Variants in SEMA6D observed in about 807,000 individuals in gnomAD.
SEMA6D encodes semaphorin 6D.
A neutral mutation model predicts 106.6 loss-of-function variants in SEMA6D; 35 were observed. The observed-to-expected ratio is 0.33, with a 90% CI of 0.25 to 0.44. The LOEUF is 0.44. Ranked by LOEUF, SEMA6D falls within the 20% of genes least tolerant of loss-of-function variation. The pLI, the probability that SEMA6D is intolerant of heterozygous loss-of-function variation, is 1.00. For missense variants in SEMA6D, 1,185 were observed against 1,345.9 expected (o/e 0.88, Z 1.87); for synonymous variants, 499 against 487.7 (o/e 1.02, Z -0.31).
At chr15:47,339,414 G>A (rs1394163632) in intron 1 of SEMA6D, among the ~76,000 whole-genome samples, 2 of 152,138 alleles carry the variant, frequency 1.3e-5, no homozygotes, top group South Asian at 2.1e-4. Flanking sequence ...AATTGAATTC[G>A]AAGATACCCA....
intron 4 of SEMA6D, among the ~76,000 whole-genome samples, chr15:47,677,356 TG>T (rs780027026): frequency 6.6e-5 from 10 of 152,270 alleles, no homozygotes; most frequent in Middle Eastern, 6.8e-3. Flanking sequence ...GCACTGGGGC[TG>T]GGTTCCAAGA....
chr15:47,607,170 C>T (rs1245120136), intron 4 of SEMA6D, among the ~76,000 whole-genome samples: 2 of 152,140 alleles, frequency 1.3e-5, no homozygotes, highest in Non-Finnish European at 2.9e-5. Context: ...ATTTGTAGAA[C>T]TTACATTTCT....
intron 4 of SEMA6D, among the ~76,000 whole-genome samples, chr15:47,619,966 C>T (rs960895624): frequency 1.3e-5 from 2 of 152,040 alleles, no homozygotes; most frequent in Non-Finnish European, 2.9e-5. Flanking sequence ...TCTCCCTATT[C>T]ACATTACATC....
chr15:47,763,672 C>G (rs964660519), intron 9 of SEMA6D, among the ~76,000 whole-genome samples, 178 bp from the exon 10 acceptor site: 1 of 152,062 alleles, frequency 6.6e-6, no homozygotes, highest in Non-Finnish European at 1.5e-5. Context: ...CTCTTTTTTC[C>G]CCACAGGTGA....
intron 3 of SEMA6D, among the ~76,000 whole-genome samples, chr15:47,578,857 G>A (rs1363949893): frequency 1.3e-5 from 2 of 152,114 alleles, no homozygotes; most frequent in Admixed American, 6.5e-5. Flanking sequence ...CAACAGTTGG[G>A]ATTAAGGATA....
At chr15:47,604,084 G>A (rs2076722509) in intron 4 of SEMA6D, 1 of 152,216 alleles carries the variant, frequency 6.6e-6, no homozygotes, top group Non-Finnish European at 1.5e-5. Flanking sequence ...CGGAGGCAGA[G>A]GCCTTCTGTG....
intron 1 of SEMA6D, among the ~76,000 whole-genome samples, chr15:47,343,466 C>T (rs2037911996): frequency 6.7e-6 from 1 of 149,434 alleles, no homozygotes; most frequent in Admixed American, 6.7e-5. Context: ...TCCATGTGTT[C>T]TCATTGTTCA....
At chr15:47,558,584 G>A (rs2045983174) in intron 3 of SEMA6D, among the ~76,000 whole-genome samples, 1 of 151,982 alleles carries the variant, frequency 6.6e-6, no homozygotes, top group Non-Finnish European at 1.5e-5. Context: ...ATCTTTTTAT[G>A]ATGCTAACTG....
intron 1 of SEMA6D, among the ~76,000 whole-genome samples, chr15:47,324,814 A>G (rs537231131): frequency 5.0e-4 from 76 of 152,074 alleles, no homozygotes; most frequent in African/African-American, 1.8e-3. Context: ...CTAGGTATAT[A>G]TAGATATAAT....
chr15:47,436,055 G>A (rs898252416), intron 2 of SEMA6D, among the ~76,000 whole-genome samples: 24 of 152,012 alleles, frequency 1.6e-4, no homozygotes, highest in African/African-American at 5.6e-4. Flanking sequence ...ACTCTATGGA[G>A]GAAAGCCCTC....
rs533673791 is a variant in SEMA6D at position 47,186,322 on chromosome 15, T to C, written c.-239+1904T>C. Among the ~76,000 whole-genome samples, 4 of 152,258 alleles carry C rather than the reference T, an allele frequency of 2.6e-5. No individual in the cohort carries two copies. In the South Asian group the frequency reaches 8.3e-4, roughly 32 times the overall value. On this transcript the variant is annotated intron_variant, in intron 1 of 19. Transcript: ENST00000558014. ...GAAAAACCATGTAGTGGGAGTGTTGTTGAGGGTATGGAAAGCTGTATGATT... is the reference window on the plus strand; with the variant it reads ...GAAAAACCATGTAGTGGGAGTGTTGCTGAGGGTATGGAAAGCTGTATGATT...
At chr15:47,729,990 T>A (rs995740415) in intron 1 of SEMA6D, among the ~76,000 whole-genome samples, 3 of 152,004 alleles carry the variant, frequency 2.0e-5, no homozygotes, top group Non-Finnish European at 2.9e-5. Flanking sequence ...CGGGAGAGAG[T>A]CTATATGACC....
chr15:47,733,994 A>G (rs1021436531), intron 1 of SEMA6D, among the ~76,000 whole-genome samples: 1 of 152,192 alleles, frequency 6.6e-6, no homozygotes, highest in Admixed American at 6.5e-5. Flanking sequence ...AGAGCACAGA[A>G]GCAGCACCAC....
chr15:47,448,670 A>C (rs1247032806), intron 2 of SEMA6D, among the ~76,000 whole-genome samples: 2 of 152,140 alleles, frequency 1.3e-5, no homozygotes, highest in Non-Finnish European at 2.9e-5. Context: ...AGGCTGCAGA[A>C]AGAGAATCAA....
chr15:47,575,092 T>C (rs2076133245), intron 3 of SEMA6D, among the ~76,000 whole-genome samples: 1 of 152,180 alleles, frequency 6.6e-6, no homozygotes, highest in Non-Finnish European at 1.5e-5. Context: ...TGGGATCAGA[T>C]CACTGAGCTG....
At chr15:47,288,142 T>C (rs1032102800) in intron 1 of SEMA6D, among the ~76,000 whole-genome samples, 5 of 152,184 alleles carry the variant, frequency 3.3e-5, no homozygotes, top group Non-Finnish European at 7.3e-5. Flanking sequence ...CCAAACACTT[T>C]TACATTTCAA....
chr15:47,336,731 C>T (rs1018555311), intron 1 of SEMA6D, among the ~76,000 whole-genome samples: 1 of 152,114 alleles, frequency 6.6e-6, no homozygotes. Flanking sequence ...CAAGGAGACT[C>T]TTTACCCCTA....
intron 4 of SEMA6D, among the ~76,000 whole-genome samples, chr15:47,698,279 A>G (rs1208392062): frequency 6.6e-6 from 1 of 152,246 alleles, no homozygotes; most frequent in Non-Finnish European, 1.5e-5. Flanking sequence ...CTATGGAAGT[A>G]AGTAACCAAT....
At chr15:47,244,438 G>A (rs1216011591) in intron 1 of SEMA6D, among the ~76,000 whole-genome samples, 1 of 152,106 alleles carries the variant, frequency 6.6e-6, no homozygotes, top group Non-Finnish European at 1.5e-5. Flanking sequence ...CCCATTTCTT[G>A]ATTATAAGCA....
Sources: allele counts gnomAD v4.1 joint callset (sites outside exome capture counted in the v4.1 genomes callset), GRCh38; gene constraint gnomAD v4.1.1; transcripts MANE v1.5; gene names NCBI Gene and HGNC (gene_info 2026-07-23, HGNC 2026-07-21).